Variants in STARD6 observed in about 807,000 individuals in gnomAD.
STARD6 encodes stAR-related lipid transfer protein 6.
A neutral mutation model predicts 22.3 loss-of-function variants in STARD6; 21 were observed. That is an observed-to-expected ratio of 0.94 (90% confidence interval 0.67 to 1.35). The LOEUF (loss-of-function observed/expected upper bound fraction) is 1.35, where lower values mean the gene tolerates loss of function less well. STARD6 is among the 40% of genes most tolerant of loss of function. The pLI is 0.00. For synonymous variants in STARD6, 80 were observed against 88.1 expected, an observed-to-expected ratio of 0.91 and a Z score of 0.52; for missense variants, 269 against 266.9, an observed-to-expected ratio of 1.01 and a Z score of -0.05.
intron 5 of STARD6, among the ~76,000 whole-genome samples, chr18:54,335,318 C>T (rs1158487687): frequency 6.6e-6 from 1 of 151,984 alleles, no homozygotes; most frequent in Non-Finnish European, 1.5e-5. Flanking sequence ...CCTCAGCCTC[C>T]CGAGTAGCTG....
intron 4 of STARD6, among the ~76,000 whole-genome samples, chr18:54,341,885 C>A (rs1354603514): frequency 6.6e-6 from 1 of 151,928 alleles, no homozygotes; most frequent in Non-Finnish European, 1.5e-5. Context: ...GCAAACTAAA[C>A]CCAAAGCTAG....
chr18:54,334,915 T>C (rs2088894954), intron 5 of STARD6, among the ~76,000 whole-genome samples: 1 of 152,218 alleles, frequency 6.6e-6, no homozygotes, highest in Admixed American at 6.5e-5. Context: ...CCTAGTGAAC[T>C]GAAACAGTAT....
intron 4 of STARD6, among the ~76,000 whole-genome samples, chr18:54,339,044 CAAAAAAAAAAAAAAAAAAAAAAA>C (rs760501311): frequency 2.9e-4 from 3 of 10,414 alleles, no homozygotes; most frequent in East Asian, 5.4e-3. Context: ...GAGACTCCAT[CAAAAAAAAAAAAAAAAAAAAAAA>C]AAAAAAAAAA....
intron 4 of STARD6, among the ~76,000 whole-genome samples, chr18:54,339,044 C>CAAAAAAAAAAAAAAAA (rs760501311): frequency 9.6e-5 from 1 of 10,414 alleles, no homozygotes; most frequent in Non-Finnish European, 2.3e-4. Context: ...GAGACTCCAT[C>CAAAAAAAAAAAAAAAA]AAAAAAAAAA....
chr18:54,325,226 G>A (rs777735623), intron 7 of STARD6, among the ~76,000 whole-genome samples: 3 of 151,770 alleles, frequency 2.0e-5, no homozygotes, highest in Non-Finnish European at 2.9e-5. Context: ...ATATTTTCGC[G>A]TGACTATCTT....
At chr18:54,335,202 A>T (rs1276232098) in intron 5 of STARD6, among the ~76,000 whole-genome samples, 1 of 122,922 alleles carries the variant, frequency 8.1e-6, no homozygotes, top group Non-Finnish European at 1.8e-5. Context: ...TTATTTATTT[A>T]TTTATTTTTG....
At position 54,346,135 on chromosome 18, in the gene STARD6, C is replaced by T. The variant is rs901890389; in HGVS notation, c.140+7919G>A. 2.6e-5 allele frequency among the ~76,000 whole-genome samples: 4 copies of T among 152,066 alleles called. No homozygotes were observed. In the South Asian group the frequency reaches 6.2e-4, roughly 24 times the overall value. On this transcript the variant is annotated intron_variant, in intron 4 of 7. Coordinates refer to ENST00000307844, the MANE Select transcript of STARD6 (RefSeq NM_139171.2). ...ATCAAGAGAGTGAGAAGACAACCTA[C>T]AGAATGGGAGAAAATAGTCGCAAAT...
At chr18:54,351,550 T>C (rs1194514088) in intron 4 of STARD6, among the ~76,000 whole-genome samples, 1 of 152,224 alleles carries the variant, frequency 6.6e-6, no homozygotes, top group East Asian at 1.9e-4. Context: ...GCTTTCAACT[T>C]TTCCCTGTTC....
At position 54,324,730 on chromosome 18, in the gene STARD6, G is replaced by T. The variant is rs1363518409; in HGVS notation, c.625C>A (p.Pro209Thr). 1.9e-6 allele frequency: 3 copies of T among 1,613,026 alleles called. No homozygotes were observed. The highest frequency in any genetic ancestry group is 2.5e-6 in the Non-Finnish European group (3 of 1,179,610). Residue 209 changes from proline to threonine, a missense_variant, in exon 8 of 8, where the codon CCA becomes ACA. Coordinates refer to ENST00000307844, the MANE Select transcript of STARD6 (RefSeq NM_139171.2). ...AKDGIKAHRT[P>T]SRRGFHHNSH... ...TTATGATGAAATCCACGTCTTGATG[G>T]AGTTCTGTGTGCCTTTATTCCATCT...
intron 4 of STARD6, among the ~76,000 whole-genome samples, chr18:54,340,122 TA>T (rs1167958017): frequency 2.0e-5 from 3 of 152,172 alleles, no homozygotes; most frequent in Admixed American, 1.3e-4. Context: ...TTTAGATGGG[TA>T]AGATAGAAAT....
At chr18:54,349,072 TAA>T (rs531965039) in intron 4 of STARD6, among the ~76,000 whole-genome samples, 63 of 152,280 alleles carry the variant, frequency 4.1e-4, no homozygotes, top group African/African-American at 1.3e-3. Flanking sequence ...TGGTGCCTAT[TAA>T]AGTTAGTATC....
In STARD6 at chr18:54,324,689, G is replaced by A. The variant is rs2088807477; in HGVS notation, c.*3C>T. 2 of 1,611,274 alleles carry A rather than the reference G, an allele frequency of 1.2e-6. No individual in the cohort carries two copies. The highest frequency in any genetic ancestry group is 1.7e-6 in the Non-Finnish European group (2 of 1,178,870). Reference sequence around the variant, plus strand: ...CAGAACGGCCTCATTTCTTCTTTTGGTATCATGAATGACTATTATGATGAA... The same window carrying A: ...CAGAACGGCCTCATTTCTTCTTTTGATATCATGAATGACTATTATGATGAA... On this transcript the variant is annotated 3_prime_UTR_variant, in exon 8 of 8. Coordinates refer to ENST00000307844, the MANE Select transcript of STARD6 (RefSeq NM_139171.2).
rs754913164 is a variant in STARD6, at chr18:54,354,095, T to A, written c.99A>T (p.Ile33=). 2 of 1,560,704 alleles carry A rather than the reference T, an allele frequency of 1.3e-6. No homozygotes were observed. The highest frequency in any genetic ancestry group is 1.7e-6 in the Non-Finnish European group (2 of 1,150,722). The change falls in exon 4 of 8, where the codon ATA becomes ATT. Residue 33 remains isoleucine, a synonymous_variant. Transcript: ENST00000307844. ...TTCTAGAAGCCTTACTGGAAACAGT[T>A]ATCTTTTTCTCAAAGGGGAATAAAA... ...GWKVVKTSKK[I]TVSSKASRKF...
At chr18:54,331,923 C>T (rs1054937686) in intron 5 of STARD6, 64 bp from the exon 6 acceptor site, 6 of 1,200,380 alleles carry the variant, frequency 5.0e-6, no homozygotes, top group African/African-American at 3.0e-5. Flanking sequence ...GTATTGTTTC[C>T]CCCCCAAATT....
chr18:54,348,589 T>A (rs747734009), intron 4 of STARD6, among the ~76,000 whole-genome samples: 1 of 152,100 alleles, frequency 6.6e-6, no homozygotes, highest in Non-Finnish European at 1.5e-5. Flanking sequence ...ATTTGTAAAA[T>A]GGGGATAATA....
chr18:54,351,622 C>T (rs1239288785), intron 4 of STARD6, among the ~76,000 whole-genome samples: 3 of 152,116 alleles, frequency 2.0e-5, no homozygotes, highest in Non-Finnish European at 4.4e-5. Flanking sequence ...TAAGTTCCTT[C>T]TATGCCTATT....
chr18:54,343,427 A>G (rs1372561657), intron 4 of STARD6, among the ~76,000 whole-genome samples: 3 of 128,592 alleles, frequency 2.3e-5, no homozygotes, highest in African/African-American at 6.1e-5. Context: ...TGGGGGGGTC[A>G]GCCCCCTGCC....
intron 4 of STARD6, among the ~76,000 whole-genome samples, chr18:54,345,463 C>T (rs980760103): frequency 7.9e-5 from 12 of 152,134 alleles, no homozygotes; most frequent in African/African-American, 2.9e-4. Flanking sequence ...TACTGGAAGA[C>T]TTAATATTTT....
intron 4 of STARD6, among the ~76,000 whole-genome samples, chr18:54,349,954 T>A (rs1226693827): frequency 1.3e-5 from 2 of 152,174 alleles, no homozygotes; most frequent in Non-Finnish European, 1.5e-5. Context: ...TGTGTGTGCA[T>A]GTGTCTTTTT....
Sources: gnomAD v4.1 joint callset for allele counts (sites outside exome capture counted in the v4.1 genomes callset) on GRCh38, gnomAD v4.1.1 for gene constraint, MANE v1.5 for transcripts, NCBI Gene and HGNC (gene_info 2026-07-23, HGNC 2026-07-21) for gene names.